Variants in GABRA2 observed in about 807,000 individuals in gnomAD.
GABRA2 encodes the protein gamma-aminobutyric acid type A receptor subunit alpha2.
Under a neutral mutation model 48.7 loss-of-function variants are expected in GABRA2, and 16 were observed. That is an observed-to-expected ratio of 0.33 (90% CI 0.22 to 0.50). GABRA2 has a LOEUF of 0.50. Ranked by LOEUF, GABRA2 falls within the 20% of genes least tolerant of loss-of-function variation. The pLI, the probability that GABRA2 is intolerant of heterozygous loss-of-function variation, is 0.98. For missense variants in GABRA2, 275 were observed against 535.6 expected (o/e 0.51, Z 4.80); for synonymous variants, 185 against 184.5 (o/e 1.00, Z -0.02).
At chr4:46,266,050 C>T (rs898901471) in intron 8 of GABRA2, among the ~76,000 whole-genome samples, 19 of 151,758 alleles carry the variant, frequency 1.3e-4, no homozygotes, top group Admixed American at 7.9e-4. Flanking sequence ...ATTCAATCTT[C>T]GAATTTATTG....
In GABRA2 at chr4:46,389,986, T is replaced by C. The variant is rs1718039821; in HGVS notation, c.-262A>G. The stretch of plus-strand genomic sequence containing the variant: ...GCGAAGGCGTTCGTAGTGGCGGTGA[T>C]GGGCGGAGGAGGAGGAAGAGGAGGA... On this transcript the variant is annotated 5_prime_UTR_variant, in exon 1 of 10. Transcript: ENST00000381620. The C allele has an allele frequency of 1.0e-6, 1 of 966,256 alleles. No individual in the cohort carries two copies. Among genetic ancestry groups the C allele is most frequent in the African/African-American group, 2.0e-5 (1 of 49,808 alleles). The allele number at this position is 966,256 out of a possible 1,614,324, so 59.9% of individuals were successfully genotyped here.
chr4:46,265,610 TATTG>T (rs1279069110), intron 8 of GABRA2, among the ~76,000 whole-genome samples: 5 of 151,058 alleles, frequency 3.3e-5, no homozygotes, highest in Non-Finnish European at 7.4e-5. Flanking sequence ...AAGTCAATGT[TATTG>T]ATCTGTTCAA....
At chr4:46,285,947 A>G (rs1722469121) in intron 8 of GABRA2, among the ~76,000 whole-genome samples, 1 of 152,126 alleles carries the variant, frequency 6.6e-6, no homozygotes, top group Non-Finnish European at 1.5e-5. Flanking sequence ...AATTTTAAAA[A>G]TTATTTTACA....
chr4:46,338,068 C>G (rs1732564408), intron 3 of GABRA2, among the ~76,000 whole-genome samples: 1 of 151,944 alleles, frequency 6.6e-6, no homozygotes, highest in Admixed American at 6.6e-5. Flanking sequence ...GATCCTCCTT[C>G]TCTTTCTCCT....
intron 8 of GABRA2, among the ~76,000 whole-genome samples, chr4:46,300,503 A>G (rs942962354): frequency 1.3e-5 from 2 of 152,012 alleles, no homozygotes; most frequent in African/African-American, 4.8e-5. Flanking sequence ...TTCTAGACTT[A>G]TAAGTTCTAT....
At position 46,247,427 on chromosome 4, in the gene GABRA2, C is replaced by T. The variant is rs2109361884; in HGVS notation, c.*2881G>A. On this transcript the variant is annotated 3_prime_UTR_variant, in exon 10 of 10. Coordinates refer to ENST00000381620, the MANE Select transcript of GABRA2 (RefSeq NM_000807.4). Reference sequence around the variant, plus strand: ...ATGCACTTAAAATTTCAACTAAATTCAGTGGGTGTGACATGAGTGATTTTA... The same window carrying T: ...ATGCACTTAAAATTTCAACTAAATTTAGTGGGTGTGACATGAGTGATTTTA... 6.6e-6 allele frequency among the ~76,000 whole-genome samples: 1 copy of T among 151,184 alleles called. No homozygotes were observed. The highest frequency in any genetic ancestry group is 6.6e-5 in the Admixed American group (1 of 15,114).
intron 4 of GABRA2, among the ~76,000 whole-genome samples, chr4:46,316,267 A>T (rs1034679330): frequency 6.6e-6 from 1 of 151,990 alleles, no homozygotes; most frequent in African/African-American, 2.4e-5. Context: ...GTTACTCTAG[A>T]ACAGAGGTCA....
At chr4:46,357,409 G>T (rs915464050) in intron 3 of GABRA2, among the ~76,000 whole-genome samples, 2 of 147,178 alleles carry the variant, frequency 1.4e-5, no homozygotes, top group African/African-American at 5.1e-5. Context: ...TATCTAGTAT[G>T]TTGCATTTCA....
chr4:46,339,217 T>C (rs2109845498), intron 3 of GABRA2, among the ~76,000 whole-genome samples: 1 of 152,018 alleles, frequency 6.6e-6, no homozygotes, highest in East Asian at 1.9e-4. Context: ...AATTAAATTT[T>C]AATTAAATAA....
intron 8 of GABRA2, among the ~76,000 whole-genome samples, chr4:46,279,550 G>A (rs959586240): frequency 6.6e-6 from 1 of 151,710 alleles, no homozygotes; most frequent in Non-Finnish European, 1.5e-5. Context: ...CATATAAAGA[G>A]TTATATTAAA....
rs1714529750 is a variant in GABRA2 at position 46,250,509 on chromosome 4, G to C, written c.1155C>G (p.Ser385=). The change falls in exon 10 of 10, where the codon TCC becomes TCG. Residue 385 remains serine, a synonymous_variant. Coordinates refer to ENST00000381620, the MANE Select transcript of GABRA2 (RefSeq NM_000807.4). ...GCGTGGTTGCACTCTTGGAGATGGT[G>C]GAGAGAACTGGATCTTTTGAAAGAT... ...APNLSKDPVL[S]TISKSATTPE... 3 of 1,611,688 alleles carry C rather than the reference G, an allele frequency of 1.9e-6. No homozygotes were observed. The highest frequency in any genetic ancestry group is 2.5e-6 in the Non-Finnish European group (3 of 1,178,528).
At chr4:46,321,203 A>G (rs1305068426) in intron 4 of GABRA2, among the ~76,000 whole-genome samples, 3 of 151,964 alleles carry the variant, frequency 2.0e-5, no homozygotes, top group South Asian at 4.1e-4. Flanking sequence ...TTGAATACAT[A>G]GAATAAAATG....
chr4:46,374,209 C>CA (rs1376679553), intron 3 of GABRA2, among the ~76,000 whole-genome samples: 2 of 152,148 alleles, frequency 1.3e-5, no homozygotes, highest in Non-Finnish European at 2.9e-5. Context: ...CTTAGTAACT[C>CA]AGCATCTTTT....
chr4:46,250,428 G>A lies in GABRA2; in HGVS notation c.1236C>T (p.Asn412=), dbSNP rs1214010488. The A allele has an allele frequency of 1.2e-6, 2 of 1,611,792 alleles. No individual in the cohort carries two copies. Among genetic ancestry groups the A allele is most frequent in the East Asian group, 2.2e-5 (1 of 44,816 alleles). ...NKPAEAKKTF[N]SVSKIDRMSR... ...ACATTCTGTCAATTTTGCTAACACT[G>A]TTGAAAGTTTTCTTTGCTTCAGCTG... The change falls in exon 10 of 10, where the codon AAC becomes AAT. Residue 412 remains asparagine, a synonymous_variant. Coordinates refer to ENST00000381620, the MANE Select transcript of GABRA2 (RefSeq NM_000807.4).
In GABRA2 at chr4:46,250,458, G is replaced by C. The variant is rs749211070; in HGVS notation, c.1206C>G (p.Asn402Lys). ...TTPEPNKKPE[N>K]KPAEAKKTFN... ...AAGTTTTCTTTGCTTCAGCTGGCTT[G>C]TTTTCTGGCTTCTTGTTGGGTTCTG... The change falls in exon 10 of 10, where the codon AAC becomes AAG. Residue 402 changes from asparagine to lysine, a missense_variant. Physicochemically the swap from Asn to Lys is moderately conservative, Grantham distance 94. Transcript: ENST00000381620. 5 of 1,612,142 alleles carry C rather than the reference G, an allele frequency of 3.1e-6. No homozygotes were observed. In the South Asian group the frequency reaches 3.3e-5, roughly 11 times the overall value.
At position 46,248,195 on chromosome 4, in the gene GABRA2, G is replaced by C. The variant is rs954894343; in HGVS notation, c.*2113C>G. On this transcript the variant is annotated 3_prime_UTR_variant, in exon 10 of 10. Transcript: ENST00000381620. ...AGTCAGACATTAAGGGGGCAATGCG[G>C]ACTTTACAAGACAAATATTCTTAAA... Among the ~76,000 whole-genome samples the C allele has an allele frequency of 2.0e-5, 3 of 151,244 alleles. No homozygotes were observed. Among genetic ancestry groups the C allele is most frequent in the African/African-American group, 7.3e-5 (3 of 41,324 alleles).
intron 3 of GABRA2, among the ~76,000 whole-genome samples, chr4:46,351,915 A>G (rs989206527): frequency 2.0e-5 from 3 of 151,912 alleles, no homozygotes; most frequent in African/African-American, 7.2e-5. Flanking sequence ...ATCTTCTTAT[A>G]AAAGTATTCG....
intron 3 of GABRA2, among the ~76,000 whole-genome samples, chr4:46,362,776 C>T (rs931562900): frequency 1.2e-4 from 18 of 152,266 alleles, no homozygotes; most frequent in African/African-American, 4.3e-4. Flanking sequence ...AGCTGATTTA[C>T]ATGCAGCAAA....
intron 4 of GABRA2, among the ~76,000 whole-genome samples, chr4:46,321,996 C>A (rs1365724121): frequency 6.6e-6 from 1 of 151,964 alleles, no homozygotes; most frequent in East Asian, 1.9e-4. Context: ...ATCCAGTATT[C>A]ATCCACCAAC....
Sources: gnomAD v4.1 joint callset for allele counts (sites outside exome capture counted in the v4.1 genomes callset) on GRCh38, gnomAD v4.1.1 for gene constraint, MANE v1.5 for transcripts, NCBI Gene and HGNC (gene_info 2026-07-23, HGNC 2026-07-21) for gene names.